The following SKIC3 variants were observed in gnomAD, a reference collection of about 807,000 sequenced individuals.
SKIC3 encodes the protein SKI3 subunit of superkiller complex.
At chr5:95,467,809 A>AAAACATTTTAAATAAAATCAATGCCTC in the SKIC3 span, 4 of 1,606,412 alleles carry the variant, frequency 2.5e-6, no homozygotes, top group Admixed American at 1.7e-5. Flanking sequence ...GATCAAAGAT[A>AAAACATTTTAAATAAAATCAATGCCTC]AAACATTTTA....
At chr5:95,539,421 T>C in the SKIC3 span, among the ~76,000 whole-genome samples, 2 of 152,156 alleles carry the variant, frequency 1.3e-5, no homozygotes, top group Admixed American at 1.3e-4. Flanking sequence ...CCTGCAAGAA[T>C]GACCATAATC....
the SKIC3 span, among the ~76,000 whole-genome samples, chr5:95,482,027 A>T: frequency 6.6e-6 from 1 of 152,204 alleles, no homozygotes; most frequent in Non-Finnish European, 1.5e-5. Flanking sequence ...GAGCCACCTG[A>T]AAGAGCAGAT....
chr5:95,478,968 A>AC, the SKIC3 span, among the ~76,000 whole-genome samples: 3 of 152,278 alleles, frequency 2.0e-5, no homozygotes, highest in African/African-American at 7.2e-5. Flanking sequence ...AAGAATGTTT[A>AC]CTTATCACCA....
the SKIC3 span, among the ~76,000 whole-genome samples, chr5:95,489,055 A>G: frequency 1.3e-5 from 2 of 152,130 alleles, no homozygotes; most frequent in Non-Finnish European, 2.9e-5. Flanking sequence ...GGTGGCTCAC[A>G]CCTGTAATCC....
chr5:95,541,413 G>C, the SKIC3 span: 2,434 of 1,598,024 alleles, frequency 1.5e-3, no homozygotes, highest in Non-Finnish European at 1.9e-3. Context: ...ACACACAAAA[G>C]GATTTTGAAT....
chr5:95,523,889 C>G, the SKIC3 span: 1 of 1,504,598 alleles, frequency 6.6e-7, no homozygotes, highest in Non-Finnish European at 9.2e-7. Flanking sequence ...TAATGAGTAT[C>G]TTTACAAATA....
At chr5:95,511,771 C>T in the SKIC3 span, among the ~76,000 whole-genome samples, 1 of 152,110 alleles carries the variant, frequency 6.6e-6, no homozygotes. Context: ...ACATTTTGTA[C>T]AAATCATCTT....
At chr5:95,540,976 A>G in the SKIC3 span, 1 of 886,612 alleles carries the variant, frequency 1.1e-6, no homozygotes. Context: ...ATTTTATTTT[A>G]TTTTTTTGAG....
chr5:95,530,070 C>T, the SKIC3 span: 2 of 1,611,424 alleles, frequency 1.2e-6, no homozygotes, highest in East Asian at 4.5e-5. Context: ...ACGTTACATG[C>T]CATACACTGT....
At chr5:95,493,982 A>G in the SKIC3 span, among the ~76,000 whole-genome samples, 7 of 152,148 alleles carry the variant, frequency 4.6e-5, no homozygotes, top group Admixed American at 3.3e-4. Flanking sequence ...AGGTGAGGCC[A>G]TAACTGTGGC....
chr5:95,492,652 G>GAAAAAAAAAAAAAAAAA, the SKIC3 span, among the ~76,000 whole-genome samples: 69 of 48,838 alleles, frequency 1.4e-3, 22 homozygotes, highest in East Asian at 2.2e-3. Flanking sequence ...AAAAAAAAAA[G>GAAAAAAAAAAAAAAAAA]AAAAAAAAAA....
the SKIC3 span, among the ~76,000 whole-genome samples, chr5:95,531,479 A>G: frequency 3.3e-5 from 5 of 152,200 alleles, no homozygotes; most frequent in Admixed American, 1.3e-4. Flanking sequence ...ATAAATATGA[A>G]TTCCAAAAAT....
the SKIC3 span, among the ~76,000 whole-genome samples, chr5:95,529,891 A>C: frequency 6.6e-6 from 1 of 151,786 alleles, no homozygotes; most frequent in Non-Finnish European, 1.5e-5. Flanking sequence ...GACACACAGT[A>C]AGTTTAACTC....
chr5:95,540,881 A>T, the SKIC3 span: 5 of 1,579,390 alleles, frequency 3.2e-6, no homozygotes, highest in Non-Finnish European at 4.3e-6. Flanking sequence ...TAAAAATGCC[A>T]ATAAAAATGT....
the SKIC3 span, among the ~76,000 whole-genome samples, chr5:95,553,189 G>T: frequency 3.3e-5 from 5 of 152,290 alleles, no homozygotes; most frequent in Non-Finnish European, 7.4e-5. Flanking sequence ...TAAAATATCT[G>T]TCTTGCTCCA....
chr5:95,503,831 T>A, the SKIC3 span: 2 of 1,613,936 alleles, frequency 1.2e-6, no homozygotes, highest in Non-Finnish European at 1.7e-6. Flanking sequence ...GCTCTCTTTA[T>A]AAAGCCCCTT....
the SKIC3 span, among the ~76,000 whole-genome samples, chr5:95,552,513 T>C: frequency 1.3e-5 from 2 of 152,076 alleles, no homozygotes; most frequent in Admixed American, 1.3e-4. Flanking sequence ...GGCTTACCAG[T>C]GTTAACAAAA....
the SKIC3 span, among the ~76,000 whole-genome samples, chr5:95,529,723 T>TA: frequency 6.6e-6 from 1 of 152,132 alleles, no homozygotes; most frequent in African/African-American, 2.4e-5. Context: ...AAGACTAAGT[T>TA]AAAGCCTAAG....
the SKIC3 span, among the ~76,000 whole-genome samples, chr5:95,539,318 A>G: frequency 6.6e-6 from 1 of 152,244 alleles, no homozygotes; most frequent in African/African-American, 2.4e-5. Context: ...TCAAAAGAAG[A>G]TATACAAATG....
Sources: allele counts gnomAD v4.1 joint callset (sites outside exome capture counted in the v4.1 genomes callset), GRCh38; gene constraint gnomAD v4.1.1; transcripts MANE v1.5; gene names NCBI Gene and HGNC (gene_info 2026-07-23, HGNC 2026-07-21).